DCDC2C: variants seen among roughly 807,000 people sequenced by gnomAD.
DCDC2C encodes the protein doublecortin domain containing 2C.
Under a neutral mutation model 45.0 loss-of-function variants are expected in DCDC2C, and 44 were observed. The ratio of observed to expected loss-of-function variants is 0.98; its 90% CI spans 0.77 to 1.26. DCDC2C has a LOEUF of 1.26. Ranked by LOEUF, DCDC2C falls within the 50% of genes most tolerant of loss-of-function variation. The probability of loss-of-function intolerance (pLI) is 0.00; values close to 1 mark genes in which losing one functional copy is unlikely to be tolerated. For missense variants in DCDC2C, 447 were observed against 468.9 expected (o/e 0.95, Z 0.43); for synonymous variants, 187 against 178.8 (o/e 1.05, Z -0.37).
At chr2:3,756,854 ACT>A (rs1669734211) in intron 6 of DCDC2C, among the ~76,000 whole-genome samples, 1 of 151,060 alleles carries the variant, frequency 6.6e-6, no homozygotes, top group Non-Finnish European at 1.5e-5. Flanking sequence ...TTCTGAATTG[ACT>A]CTTATTATTT....
chr2:3,840,552 G>A (rs17018133), intron 10 of DCDC2C, among the ~76,000 whole-genome samples: 5,522 of 152,182 alleles, frequency 0.036, 318 homozygotes, highest in African/African-American at 0.12. Context: ...TACTGAAATC[G>A]GCCCTAAATG....
intron 10 of DCDC2C, among the ~76,000 whole-genome samples, chr2:3,815,421 T>C (rs1172349585): frequency 6.6e-6 from 1 of 152,224 alleles, no homozygotes; most frequent in African/African-American, 2.4e-5. Flanking sequence ...AGGATTCACA[T>C]GCTTATTATG....
At chr2:3,740,295 T>C (rs1669166658) in intron 3 of DCDC2C, among the ~76,000 whole-genome samples, 1 of 152,238 alleles carries the variant, frequency 6.6e-6, no homozygotes, top group Admixed American at 6.5e-5. Context: ...CCTCTAAATC[T>C]TTGTCCACTT....
chr2:3,834,188 C>T (rs1672019412), intron 10 of DCDC2C, among the ~76,000 whole-genome samples: 1 of 151,418 alleles, frequency 6.6e-6, no homozygotes, highest in Non-Finnish European at 1.5e-5. Context: ...CAACACTGAC[C>T]CCTCACATCA....
At chr2:3,752,708 C>T in intron 4 of DCDC2C, 55 bp from the exon 5 acceptor site, 1 of 1,538,380 alleles carries the variant, frequency 6.5e-7, no homozygotes, top group Non-Finnish European at 8.8e-7. Flanking sequence ...ATACCCCAAG[C>T]CCTATGCTAC....
rs116647753 is a variant in DCDC2C at position 3,706,959 on chromosome 2, A to G, written c.288-1590A>G. Among the ~76,000 whole-genome samples, 1,071 of 152,292 alleles carry G rather than the reference A, an allele frequency of 7.0e-3. 17 individuals carry two copies. The highest frequency in any genetic ancestry group is 0.025 in the African/African-American group (1,036 of 41,560). ...ATCCACTCTGCGGTACGGTTGGGAG[A>G]ATGGAATGAATGCAGTAGGGTAAGG... is the stretch of plus-strand genomic sequence containing the variant. On this transcript the variant is annotated intron_variant, in intron 1 of 10. Transcript: ENST00000399143.
intron 9 of DCDC2C, among the ~76,000 whole-genome samples, chr2:3,782,399 C>T (rs1350610030): frequency 2.0e-5 from 3 of 151,872 alleles, no homozygotes; most frequent in South Asian, 2.1e-4. Flanking sequence ...ACAATTCTGA[C>T]GATATTGGGC....
chr2:3,706,591 G>T (rs975914469), intron 1 of DCDC2C, among the ~76,000 whole-genome samples: 5 of 152,126 alleles, frequency 3.3e-5, no homozygotes, highest in African/African-American at 1.2e-4. Context: ...GGACCCCAAA[G>T]AATTTGAATG....
chr2:3,735,228 TTTTTTA>T (rs1668991294), intron 3 of DCDC2C, among the ~76,000 whole-genome samples: 1 of 151,974 alleles, frequency 6.6e-6, no homozygotes, highest in Non-Finnish European at 1.5e-5. Context: ...TAACTTTCTT[TTTTTTA>T]TTTTTATTTC....
intron 3 of DCDC2C, 127 bp downstream of exon 3, chr2:3,727,206 C>T: frequency 2.8e-6 from 2 of 703,782 alleles, no homozygotes; most frequent in Non-Finnish European, 2.4e-6. Context: ...CCCCTGCTCT[C>T]TTGTGCTCTC....
At chr2:3,737,107 G>C (rs542667413) in intron 3 of DCDC2C, among the ~76,000 whole-genome samples, 1 of 152,284 alleles carries the variant, frequency 6.6e-6, no homozygotes, top group East Asian at 1.9e-4. Context: ...AGAATTGACT[G>C]AGTACCCCCA....
At chr2:3,736,694 T>C (rs566708379) in intron 3 of DCDC2C, among the ~76,000 whole-genome samples, 93 of 152,326 alleles carry the variant, frequency 6.1e-4, no homozygotes, top group African/African-American at 2.2e-3. Context: ...ATGATTTCAA[T>C]TGCAGTGCAT....
chr2:3,714,250 A>G (rs890877159), intron 2 of DCDC2C, among the ~76,000 whole-genome samples: 1 of 152,246 alleles, frequency 6.6e-6, no homozygotes, highest in African/African-American at 2.4e-5. Context: ...CTTCAATATA[A>G]TGAATTTGAA....
chr2:3,738,343 G>A (rs922376754), intron 3 of DCDC2C, among the ~76,000 whole-genome samples: 4 of 151,908 alleles, frequency 2.6e-5, no homozygotes, highest in African/African-American at 9.7e-5. Flanking sequence ...TTGTCAAAGG[G>A]TTTGATTTAT....
At chr2:3,829,586 C>T (rs1426512151) in intron 10 of DCDC2C, among the ~76,000 whole-genome samples, 2 of 152,124 alleles carry the variant, frequency 1.3e-5, no homozygotes. Context: ...TTTGGACAGC[C>T]TCTTTTGACT....
chr2:3,714,395 TC>T (rs1361255621), intron 2 of DCDC2C, among the ~76,000 whole-genome samples: 53 of 152,288 alleles, frequency 3.5e-4, no homozygotes, highest in African/African-American at 1.1e-3. Context: ...TGGAAGGACT[TC>T]TATTATAGTA....
chr2:3,840,012 G>A (rs193012883), intron 10 of DCDC2C, among the ~76,000 whole-genome samples: 1 of 152,248 alleles, frequency 6.6e-6, no homozygotes, highest in East Asian at 1.9e-4. Context: ...AATCAAGGCA[G>A]AATTGTCGGA....
chr2:3,768,493 A>G (rs896195057), intron 7 of DCDC2C, among the ~76,000 whole-genome samples: 1 of 152,150 alleles, frequency 6.6e-6, no homozygotes, highest in African/African-American at 2.4e-5. Flanking sequence ...GTGGTGGGAG[A>G]GGCTTTCCTG....
chr2:3,756,792 C>A (rs1158012281), intron 6 of DCDC2C, among the ~76,000 whole-genome samples: 2 of 152,224 alleles, frequency 1.3e-5, no homozygotes, highest in African/African-American at 4.8e-5. Context: ...CTTAGCCTGT[C>A]TGACTTCTTT....
Sources: gnomAD v4.1 joint callset for allele counts (sites outside exome capture counted in the v4.1 genomes callset) on GRCh38, gnomAD v4.1.1 for gene constraint, MANE v1.5 for transcripts, NCBI Gene and HGNC (gene_info 2026-07-23, HGNC 2026-07-21) for gene names.